Variants in SLC26A6 observed in about 807,000 individuals in gnomAD.
SLC26A6 encodes the protein solute carrier family 26 member 6.
A neutral mutation model predicts 87.1 loss-of-function variants in SLC26A6; 67 were observed. The observed-to-expected ratio is 0.77, with a 90% CI of 0.63 to 0.94. SLC26A6 has a LOEUF of 0.94. Ranked by LOEUF, SLC26A6 falls within the 40% of genes least tolerant of loss-of-function variation. The probability of loss-of-function intolerance (pLI) is 0.00; values close to 1 mark genes in which losing one functional copy is unlikely to be tolerated. For missense variants in SLC26A6, 902 were observed against 973.0 expected, an observed-to-expected ratio of 0.93 and a Z score of 0.97; for synonymous variants, 414 against 405.9, an observed-to-expected ratio of 1.02 and a Z score of -0.24.
Position 48,631,813 on chromosome 3 carries a change from C to T in SLC26A6, c.751-12G>A. 1.2e-6 allele frequency: 2 copies of T among 1,613,328 alleles called. No individual in the cohort carries two copies. Among genetic ancestry groups the T allele is most frequent in the Non-Finnish European group, 1.7e-6 (2 of 1,179,926 alleles). On this transcript the variant is annotated splice_polypyrimidine_tract_variant and intron_variant, in intron 6 of 20. Coordinates refer to ENST00000395550, the MANE Select transcript of SLC26A6 (RefSeq NM_022911.3). ...ACCTCCAGCACTGTCTGAGGAGAGG[C>T]CAGGTCACAGCTAGCACTCAAGGCC...
intron 10 of SLC26A6, 37 bp downstream of exon 10, chr3:48,630,570 G>A: frequency 1.9e-6 from 3 of 1,560,698 alleles, no homozygotes; most frequent in Non-Finnish European, 2.6e-6. Flanking sequence ...GCAAAGCAAT[G>A]TGCATGCCCA....
intron 4 of SLC26A6, chr3:48,632,676 G>A: frequency 1.5e-6 from 1 of 688,834 alleles, no homozygotes; most frequent in Non-Finnish European, 2.6e-6. Flanking sequence ...TCTCTGTGGA[G>A]TAGGGAAGGG....
rs1034415487 is a variant in SLC26A6 at position 48,628,880 on chromosome 3, G to C, written c.1600-166C>G. 6.6e-6 allele frequency among the ~76,000 whole-genome samples: 1 copy of C among 152,088 alleles called. No homozygotes were observed. Among genetic ancestry groups the C allele is most frequent in the Non-Finnish European group, 1.5e-5 (1 of 67,998 alleles). Reference sequence around the variant, plus strand: ...CAGGGGCTTAGGCCACAAGCCCGACGGTGTCATCCCCATCCCCCCACAGTG... The same window carrying C: ...CAGGGGCTTAGGCCACAAGCCCGACCGTGTCATCCCCATCCCCCCACAGTG... On this transcript the variant is annotated intron_variant, in intron 14 of 20. Transcript: ENST00000395550. The surrounding 1 kb of genome is among the most constrained non-coding windows in gnomAD (Gnocchi z 4.4).
At chr3:48,634,994 C>T (rs2046915928) in intron 1 of SLC26A6, among the ~76,000 whole-genome samples, 1 of 152,246 alleles carries the variant, frequency 6.6e-6, no homozygotes, top group South Asian at 2.1e-4. Context: ...ACTCCGGGAT[C>T]AGTGGAGCTG....
Position 48,625,851 on chromosome 3 carries a change from A to T in SLC26A6, c.*135T>A, listed in dbSNP as rs2046605094. On this transcript the variant is annotated 3_prime_UTR_variant, in exon 21 of 21. Transcript: ENST00000395550. The surrounding 1 kb of genome is among the most constrained non-coding windows in gnomAD (Gnocchi z 4.7). ...GGAGCGCTGAACTTGGAGTCCCAGG[A>T]CCTCCTTCCCTGAGTTGTGTGTGTG... is the stretch of plus-strand genomic sequence containing the variant. 6.0e-6 allele frequency: 7 copies of T among 1,173,274 alleles called. No homozygotes were observed. The highest frequency in any genetic ancestry group is 8.6e-6 in the Non-Finnish European group (7 of 817,904). The allele number at this position is 1,173,274 out of a possible 1,614,324, so 72.7% of individuals were successfully genotyped here.
chr3:48,633,695 C>T (rs781079522), intron 1 of SLC26A6, 60 bp from the exon 2 acceptor site: 14 of 1,591,598 alleles, frequency 8.8e-6, no homozygotes, highest in African/African-American at 4.0e-5. Context: ...CTCCCCTACA[C>T]CTCCACCTAG....
intron 4 of SLC26A6, chr3:48,632,707 G>C: frequency 1.5e-6 from 1 of 681,920 alleles, no homozygotes; most frequent in Non-Finnish European, 2.7e-6. Flanking sequence ...GCCTTAGGCT[G>C]CTCAGGCCTC....
At chr3:48,635,350 G>A (rs1322192525) in intron 1 of SLC26A6, 21 bp downstream of exon 1, 3 of 1,586,240 alleles carry the variant, frequency 1.9e-6, no homozygotes, top group East Asian at 2.3e-5. Flanking sequence ...CGGGGCCACC[G>A]GGAATGTGCG....
chr3:48,629,487 G>C (rs1000179564), intron 14 of SLC26A6, among the ~76,000 whole-genome samples, 155 bp downstream of exon 14: 1 of 152,136 alleles, frequency 6.6e-6, no homozygotes, highest in Non-Finnish European at 1.5e-5. Flanking sequence ...TCTAGAGGGG[G>C]TCATAGACCT....
chr3:48,627,797 T>C, intron 17 of SLC26A6, 149 bp downstream of exon 17: 1 of 643,054 alleles, frequency 1.6e-6, no homozygotes, highest in South Asian at 2.3e-5. Flanking sequence ...CCCTGAAGAA[T>C]ATCTGACCCA....
intron 1 of SLC26A6, chr3:48,633,868 A>G (rs2046882033): frequency 7.1e-7 from 1 of 1,409,764 alleles, no homozygotes; most frequent in African/African-American, 1.4e-5. Context: ...TCCCCCAAGT[A>G]GGGACTGCAG....
chr3:48,634,836 C>T (rs2046908972), intron 1 of SLC26A6: 1 of 801,948 alleles, frequency 1.2e-6, no homozygotes, highest in Non-Finnish European at 1.5e-6. Context: ...GATCGTAGAG[C>T]CCCCTCTCCT....
intron 20 of SLC26A6, 98 bp downstream of exon 20, chr3:48,626,120 G>A: frequency 6.2e-7 from 1 of 1,610,522 alleles, no homozygotes; most frequent in Non-Finnish European, 8.5e-7. Context: ...TGGGGACAGA[G>A]CCATGGCCAC....
chr3:48,629,521 A>T lies in SLC26A6; in HGVS notation c.1599+121T>A, dbSNP rs2046720147. The T allele has an allele frequency of 2.7e-6, 3 of 1,125,132 alleles. No individual in the cohort carries two copies. In the South Asian group the frequency reaches 4.5e-5, roughly 17 times the overall value. 69.7% of individuals were successfully genotyped at this position (1,125,132 alleles called of 1,614,324 possible). ...CTAAACTCCTCCCTTGAAATCCCAA[A>T]GACCAAAGCCAAAGTATCCTCAGCC... On this transcript the variant is annotated intron_variant, in intron 14 of 20. Coordinates refer to ENST00000395550, the MANE Select transcript of SLC26A6 (RefSeq NM_022911.3).
At chr3:48,629,495 C>T in intron 14 of SLC26A6, 147 bp downstream of exon 14, 1 of 832,596 alleles carries the variant, frequency 1.2e-6, no homozygotes, top group Non-Finnish European at 1.9e-6. Flanking sequence ...GGGTCATAGA[C>T]CTAAACTCCT....
Position 48,628,095 on chromosome 3 carries a change from T to G in SLC26A6, c.1801-57A>C. ...GCTAGCCCGGCTGCCATGACAGCCA[T>G]GTCACATAGGCCTGGTGATGCCCCC... On this transcript the variant is annotated intron_variant, in intron 16 of 20. Transcript: ENST00000395550. This position sits in a 1 kb window ranked among gnomAD's most constrained non-coding sequence, Gnocchi z 4.4. The G allele has an allele frequency of 6.8e-7, 1 of 1,465,324 alleles. No homozygotes were observed. The highest frequency in any genetic ancestry group is 9.2e-7 in the Non-Finnish European group (1 of 1,085,628). The allele number at this position is 1,465,324 out of a possible 1,614,324, so 90.8% of individuals were successfully genotyped here. A position where few individuals can be genotyped will look rare whatever the true frequency, so the allele number is the denominator to read the frequency against.
intron 18 of SLC26A6, 51 bp from the exon 19 acceptor site, chr3:48,626,736 G>T (rs55807958): frequency 7.1e-5 from 114 of 1,612,680 alleles, no homozygotes; most frequent in Middle Eastern, 1.6e-4. Flanking sequence ...GGACTCAGAG[G>T]GGGGCTCGGG....
chr3:48,628,590 G>A lies in SLC26A6; in HGVS notation c.1692+32C>T. 2 of 1,613,994 alleles carry A rather than the reference G, an allele frequency of 1.2e-6. No individual in the cohort carries two copies. Among genetic ancestry groups the A allele is most frequent in the South Asian group, 1.1e-5 (1 of 91,086 alleles). ...GTTGGTGAGCTCTCTGGGAGCTGGG[G>A]CCTGACACCCATCCTGGGGACTCCG... On this transcript the variant is annotated intron_variant, in intron 15 of 20. Transcript: ENST00000395550. This position sits in a 1 kb window ranked among gnomAD's most constrained non-coding sequence, Gnocchi z 4.4.
Position 48,628,634 on chromosome 3 carries a change from C to T in SLC26A6, c.1680G>A (p.Ala560=), listed in dbSNP as rs138870409. The T allele has an allele frequency of 1.3e-5, 21 of 1,613,848 alleles. No individual in the cohort carries two copies. The East Asian group carries it at 3.3e-4, about 26-fold the overall frequency. The change falls in exon 15 of 21, where the codon GCG becomes GCA. Residue 560 remains alanine (A), a synonymous_variant. Transcript: ENST00000395550. The surrounding 1 kb of genome is among the most constrained non-coding windows in gnomAD (Gnocchi z 4.4). The part of the protein sequence containing the change: ...YFANAEFYSD[A]LKQRCGVDVD... ...GACTCCGTCTCACCCTCTGCTTCAG[C>T]GCATCACTGTAGAACTCAGCATTGG...
Sources: gnomAD v4.1 joint callset for allele counts (sites outside exome capture counted in the v4.1 genomes callset) on GRCh38, gnomAD v4.1.1 for gene constraint, Gnocchi (gnomAD v3.1) non-coding constraint, MANE v1.5 for transcripts, NCBI Gene and HGNC (gene_info 2026-07-23, HGNC 2026-07-21) for gene names.